The following SRF variants were observed in gnomAD, a reference collection of about 807,000 sequenced individuals.
SRF encodes the protein serum response factor.
Under a neutral mutation model 37.1 loss-of-function variants are expected in SRF, and 7 were observed. That is an observed-to-expected ratio of 0.19 (90% confidence interval 0.11 to 0.35). SRF has a LOEUF of 0.35. Among genes scored for constraint, SRF ranks in the 10% least tolerant of loss-of-function variants. The probability of loss-of-function intolerance (pLI) is 1.00; values close to 1 mark genes in which losing one functional copy is unlikely to be tolerated. For synonymous variants in SRF, 285 were observed against 310.1 expected (o/e 0.92, Z 0.85); for missense variants, 395 against 694.4 (o/e 0.57, Z 4.85).
chr6:43,180,852 G>A lies in SRF; in HGVS notation c.*1662G>A, dbSNP rs879760681. On this transcript the variant is annotated 3_prime_UTR_variant, in exon 7 of 7. Transcript: ENST00000265354. The stretch of plus-strand genomic sequence containing the variant: ...TTTATGCACAGCCTAGTTATCAAGG[G>A]GATGATTTGCCGACATGTTTGAGAA... 2 of 152,240 alleles carry A rather than the reference G, an allele frequency of 1.3e-5. No homozygotes were observed. The highest frequency in any genetic ancestry group is 2.9e-5 in the Non-Finnish European group (2 of 68,048). The allele number at this position is 152,240 out of a possible 1,614,324, so 9.4% of individuals were successfully genotyped here. A position where few individuals can be genotyped will look rare whatever the true frequency, so the allele number is the denominator to read the frequency against.
Position 43,176,524 on chromosome 6 carries a change from C to T in SRF, c.1043-24C>T, listed in dbSNP as rs1772200721. On this transcript the variant is annotated intron_variant, in intron 3 of 6. Coordinates refer to ENST00000265354, the MANE Select transcript of SRF (RefSeq NM_003131.4). This position sits in a 1 kb window ranked among gnomAD's most constrained non-coding sequence, Gnocchi z 4.0. Reference sequence around the variant, plus strand: ...GGTGGCAATTGGGTGGGACAGAGCACAAATAAGACTCTGTGTCTTGCAGGT... The same window carrying T: ...GGTGGCAATTGGGTGGGACAGAGCATAAATAAGACTCTGTGTCTTGCAGGT... The T allele has an allele frequency of 2.5e-6, 4 of 1,613,502 alleles. No individual in the cohort carries two copies. The highest frequency in any genetic ancestry group is 3.4e-6 in the Non-Finnish European group (4 of 1,179,738).
rs1417572780 is a variant in SRF at position 43,173,057 on chromosome 6, T to C, written c.514-790T>C. Among the ~76,000 whole-genome samples the C allele has an allele frequency of 2.6e-5, 4 of 152,172 alleles. No homozygotes were observed. The highest frequency in any genetic ancestry group is 9.7e-5 in the African/African-American group (4 of 41,424). ...GAACACTGGCTGGTGTTTATTTCTG[T>C]CCCATGTAGAAACCAGAGCTGCTTC... On this transcript the variant is annotated intron_variant, in intron 1 of 6. Coordinates refer to ENST00000265354, the MANE Select transcript of SRF (RefSeq NM_003131.4). The surrounding 1 kb of genome is among the most constrained non-coding windows in gnomAD (Gnocchi z 4.2).
At position 43,171,535 on chromosome 6, in the gene SRF, C is replaced by A; in HGVS notation, c.-122C>A. 2 of 1,079,670 alleles carry A rather than the reference C, an allele frequency of 1.9e-6. No individual in the cohort carries two copies. Among genetic ancestry groups the A allele is most frequent in the Non-Finnish European group, 2.3e-6 (2 of 864,708 alleles). 66.9% of individuals were successfully genotyped at this position (1,079,670 alleles called of 1,614,324 possible). On this transcript the variant is annotated 5_prime_UTR_variant, in exon 1 of 7. Coordinates refer to ENST00000265354, the MANE Select transcript of SRF (RefSeq NM_003131.4). This position sits in a 1 kb window ranked among gnomAD's most constrained non-coding sequence, Gnocchi z 6.5. ...GGCCCCGGGTTCGCAGCGGCGGCCGCGGCAGCGATAGCGGCACTAGCAGCA... is the reference window on the plus strand; with the variant it reads ...GGCCCCGGGTTCGCAGCGGCGGCCGAGGCAGCGATAGCGGCACTAGCAGCA...
chr6:43,175,622 A>G (rs1772181637), intron 2 of SRF, 84 bp from the exon 3 acceptor site: 1 of 1,571,056 alleles, frequency 6.4e-7, no homozygotes, highest in Non-Finnish European at 8.7e-7. Context: ...CACTGGTTTC[A>G]GTCTGGGTTC....
rs764289630 is a variant in SRF at position 43,176,698 on chromosome 6, C to T, written c.1162+31C>T. The T allele has an allele frequency of 2.5e-6, 4 of 1,605,858 alleles. No individual in the cohort carries two copies. The highest frequency in any genetic ancestry group is 3.4e-6 in the Non-Finnish European group (4 of 1,173,896). ...GCTCGCAGCCCTGTCACCCTCCCTC[C>T]CTGCCTTCCCCCACGAGGCCTAGCA... On this transcript the variant is annotated intron_variant, in intron 4 of 6. Transcript: ENST00000265354. This position sits in a 1 kb window ranked among gnomAD's most constrained non-coding sequence, Gnocchi z 4.0.
intron 2 of SRF, among the ~76,000 whole-genome samples, chr6:43,175,257 G>C (rs1772175544): frequency 6.6e-6 from 1 of 152,166 alleles, no homozygotes; most frequent in Admixed American, 6.5e-5. Context: ...AAGGGGACTG[G>C]TTATTTCAGG....
chr6:43,174,508 G>A (rs1772162173), intron 2 of SRF, among the ~76,000 whole-genome samples: 1 of 152,264 alleles, frequency 6.6e-6, no homozygotes, highest in South Asian at 2.1e-4. Flanking sequence ...ACTCTTGGCA[G>A]GCGGGCTGGT....
intron 2 of SRF, 87 bp downstream of exon 2, chr6:43,174,200 C>T: frequency 2.0e-6 from 3 of 1,512,388 alleles, no homozygotes; most frequent in Non-Finnish European, 2.7e-6. Context: ...AGGTGCCCAC[C>T]GATGTGGAGT....
Position 43,171,513 on chromosome 6 carries a change from C to T in SRF, c.-144C>T, listed in dbSNP as rs1449219059. 18 of 960,756 alleles carry T rather than the reference C, an allele frequency of 1.9e-5. No individual in the cohort carries two copies. The South Asian group carries it at 3.1e-4, about 16-fold the overall frequency. The allele number at this position is 960,756 out of a possible 1,614,324, so 59.5% of individuals were successfully genotyped here. A position where few individuals can be genotyped will look rare whatever the true frequency, so the allele number is the denominator to read the frequency against. On this transcript the variant is annotated 5_prime_UTR_variant, in exon 1 of 7. Coordinates refer to ENST00000265354, the MANE Select transcript of SRF (RefSeq NM_003131.4). This position sits in a 1 kb window ranked among gnomAD's most constrained non-coding sequence, Gnocchi z 6.5. ...CAGGTCGGCCCGGGCGTGCAGGGGC[C>T]CCGGGTTCGCAGCGGCGGCCGCGGC...
Position 43,179,400 on chromosome 6 carries a change from G to A in SRF, c.*210G>A, listed in dbSNP as rs546266257. On this transcript the variant is annotated 3_prime_UTR_variant, in exon 7 of 7. Transcript: ENST00000265354. The surrounding 1 kb of genome is among the most constrained non-coding windows in gnomAD (Gnocchi z 5.3). Reference sequence around the variant, plus strand: ...CCTCCCTCAGCCTCCCCTTCTTCCCGCCCCACCTCCCATTTCTGTTGCTGG... The same window carrying A: ...CCTCCCTCAGCCTCCCCTTCTTCCCACCCCACCTCCCATTTCTGTTGCTGG... The A allele has an allele frequency of 2.0e-4, 118 of 589,068 alleles. 1 individual carries two copies. The highest frequency in any genetic ancestry group is 1.8e-3 in the Middle Eastern group (4 of 2,276). The allele number at this position is 589,068 out of a possible 1,614,324, so 36.5% of individuals were successfully genotyped here.
In SRF at chr6:43,181,363, T is replaced by C. The variant is rs1772336817; in HGVS notation, c.*2173T>C. 6.5e-6 allele frequency: 1 copy of C among 152,760 alleles called. No individual in the cohort carries two copies. Among genetic ancestry groups the C allele is most frequent in the Non-Finnish European group, 1.5e-5 (1 of 68,116 alleles). The allele number at this position is 152,760 out of a possible 1,614,324, so 9.5% of individuals were successfully genotyped here. A position where few individuals can be genotyped will look rare whatever the true frequency, so the allele number is the denominator to read the frequency against. On this transcript the variant is annotated 3_prime_UTR_variant, in exon 7 of 7. Transcript: ENST00000265354. ...GCCTGAGTGAGTGTGTGTGCTTGAA[T>C]GTGAGTGTGTATGTCAGTGGTTTCT...
chr6:43,172,572 C>G lies in SRF; in HGVS notation c.513+403C>G, dbSNP rs546434351. The G allele has an allele frequency of 3.4e-5, 19 of 563,874 alleles. No homozygotes were observed. The highest frequency in any genetic ancestry group is 8.4e-4 in the Middle Eastern group (1 of 1,186). The allele number at this position is 563,874 out of a possible 1,614,324, so 34.9% of individuals were successfully genotyped here. A position where few individuals can be genotyped will look rare whatever the true frequency, so the allele number is the denominator to read the frequency against. The stretch of plus-strand genomic sequence containing the variant: ...GGGCGCCGGAAAAGCAGGGAGCAAA[C>G]GAGAAGGTATGGAGGTGAGGAGGCT... On this transcript the variant is annotated intron_variant, in intron 1 of 6. Transcript: ENST00000265354. This position sits in a 1 kb window ranked among gnomAD's most constrained non-coding sequence, Gnocchi z 5.7.
rs1772241596 is a variant in SRF, at chr6:43,178,202, A to AAG, written c.1163-89_1163-88dup. ...TCTAGCTTCTGACCTGGGAAATGGC[A>AAG]AGAGGGCTCTGGGGGCCTGGAATTC... On this transcript the variant is annotated intron_variant, in intron 4 of 6. Coordinates refer to ENST00000265354, the MANE Select transcript of SRF (RefSeq NM_003131.4). The surrounding 1 kb of genome is among the most constrained non-coding windows in gnomAD (Gnocchi z 4.3). The AAG allele has an allele frequency of 7.4e-7, 1 of 1,347,252 alleles. No homozygotes were observed. Among genetic ancestry groups the AAG allele is most frequent in the Admixed American group, 2.6e-5 (1 of 38,060 alleles). 83.5% of individuals were successfully genotyped at this position (1,347,252 alleles called of 1,614,324 possible).
rs1319048300 is a variant in SRF at position 43,179,368 on chromosome 6, C to T, written c.*178C>T. 4.7e-6 allele frequency: 3 copies of T among 638,696 alleles called. No individual in the cohort carries two copies. Among genetic ancestry groups the T allele is most frequent in the Non-Finnish European group, 5.5e-6 (2 of 361,950 alleles). The allele number at this position is 638,696 out of a possible 1,614,324, so 39.6% of individuals were successfully genotyped here. A position where few individuals can be genotyped will look rare whatever the true frequency, so the allele number is the denominator to read the frequency against. On this transcript the variant is annotated 3_prime_UTR_variant, in exon 7 of 7. Coordinates refer to ENST00000265354, the MANE Select transcript of SRF (RefSeq NM_003131.4). The surrounding 1 kb of genome is among the most constrained non-coding windows in gnomAD (Gnocchi z 5.3). ...CCAAAGAAATGGGCCTGCCTGCCTC[C>T]ACCCGTCCTCCCTCAGCCTCCCCTT...
In SRF at chr6:43,173,737, C is replaced by A; in HGVS notation, c.514-110C>A. On this transcript the variant is annotated intron_variant, in intron 1 of 6. Transcript: ENST00000265354. The surrounding 1 kb of genome is among the most constrained non-coding windows in gnomAD (Gnocchi z 4.2). ...CCTCAGAGTCATTAGAGACGAAGGT[C>A]ATTATGGGAATGGGGGAATGACATC... 1 of 1,415,646 alleles carries A rather than the reference C, an allele frequency of 7.1e-7. No individual in the cohort carries two copies. Among genetic ancestry groups the A allele is most frequent in the Non-Finnish European group, 9.5e-7 (1 of 1,052,898 alleles). The allele number at this position is 1,415,646 out of a possible 1,614,324, so 87.7% of individuals were successfully genotyped here.
rs1166496534 is a variant in SRF, at chr6:43,175,757, A to G, written c.832A>G (p.Thr278Ala). Residue 278 changes from threonine to alanine, a missense_variant, in exon 3 of 7, where the codon ACC becomes GCC. Physicochemically the swap from Thr to Ala is moderately conservative, Grantham distance 58. Coordinates refer to ENST00000265354, the MANE Select transcript of SRF (RefSeq NM_003131.4). ...CACCAACCTGCCGGGTACAACCTCCACCATCCAAACAGCACCTAGCACCTC... is the reference window on the plus strand; with the variant it reads ...CACCAACCTGCCGGGTACAACCTCCGCCATCCAAACAGCACCTAGCACCTC... Reference protein sequence around the residue: ...TVTNLPGTTSTIQTAPSTSTT... With the variant: ...TVTNLPGTTSAIQTAPSTSTT... 6.2e-7 allele frequency: 1 copy of G among 1,614,148 alleles called. No individual in the cohort carries two copies. The highest frequency in any genetic ancestry group is 8.5e-7 in the Non-Finnish European group (1 of 1,180,004).
rs757512731 is a variant in SRF at position 43,179,182 on chromosome 6, A to C, written c.1519A>C (p.Ser507Arg). 1 of 1,614,234 alleles carries C rather than the reference A, an allele frequency of 6.2e-7. No homozygotes were observed. The highest frequency in any genetic ancestry group is 8.5e-7 in the Non-Finnish European group (1 of 1,180,036). Residue 507 changes from serine to arginine, a missense_variant, in exon 7 of 7, where the codon AGT becomes CGT. This residue lies in a region of SRF where 232 missense variants were observed against 335.6 expected (regional missense o/e 0.69). Transcript: ENST00000265354. The surrounding 1 kb of genome is among the most constrained non-coding windows in gnomAD (Gnocchi z 5.3). Reference sequence around the variant, plus strand: ...CCTGGACACCGCCCACAGCACCAAGAGTGAATGATCCGCCCGCCGCCCTGG... The same window carrying C: ...CCTGGACACCGCCCACAGCACCAAGCGTGAATGATCCGCCCGCCGCCCTGG... ...VNLDTAHSTK[S>R]E
chr6:43,171,512 C>A lies in SRF; in HGVS notation c.-145C>A. 1.1e-6 allele frequency: 1 copy of A among 935,502 alleles called. No individual in the cohort carries two copies. 58.0% of individuals were successfully genotyped at this position (935,502 alleles called of 1,614,324 possible). A position where few individuals can be genotyped will look rare whatever the true frequency, so the allele number is the denominator to read the frequency against. ...CCAGGTCGGCCCGGGCGTGCAGGGG[C>A]CCCGGGTTCGCAGCGGCGGCCGCGG... On this transcript the variant is annotated 5_prime_UTR_variant, in exon 1 of 7. Transcript: ENST00000265354. The surrounding 1 kb of genome is among the most constrained non-coding windows in gnomAD (Gnocchi z 6.5).
intron 4 of SRF, among the ~76,000 whole-genome samples, chr6:43,177,245 T>TTTTTTTTTTTTTTTTTTA: frequency 6.7e-6 from 1 of 149,360 alleles, no homozygotes; most frequent in East Asian, 2.0e-4. Flanking sequence ...TTTTTTTTTT[T>TTTTTTTTTTTTTTTTTTA]GAGACGGAGT....
Sources: allele counts gnomAD v4.1 joint callset (sites outside exome capture counted in the v4.1 genomes callset), GRCh38; gene constraint gnomAD v4.1.1; regional missense constraint gnomAD v4.1.1; non-coding constraint Gnocchi (gnomAD v3.1); transcripts MANE v1.5; gene names NCBI Gene and HGNC (gene_info 2026-07-23, HGNC 2026-07-21).